DPYD: variants seen among roughly 807,000 people sequenced by gnomAD.
DPYD encodes dihydropyrimidine dehydrogenase.
In DPYD, 109 loss-of-function variants were observed where a neutral mutation model predicts 116.2. That is an observed-to-expected ratio of 0.94 (90% CI 0.80 to 1.10). The LOEUF is 1.10. DPYD is among the 50% of genes least tolerant of loss of function. DPYD has a pLI of 0.00. For synonymous variants in DPYD, 440 were observed against 432.0 expected, an observed-to-expected ratio of 1.02 and a Z score of -0.23; for missense variants, 1,302 against 1,254.5, an observed-to-expected ratio of 1.04 and a Z score of -0.57.
chr1:97,113,789 GA>G (rs1651773056), intron 20 of DPYD, among the ~76,000 whole-genome samples: 1 of 151,944 alleles, frequency 6.6e-6, no homozygotes. Flanking sequence ...AAAATATAAG[GA>G]AAATATGTTG....
intron 3 of DPYD, among the ~76,000 whole-genome samples, chr1:97,807,524 T>C (rs1411825858): frequency 6.6e-6 from 1 of 152,148 alleles, no homozygotes; most frequent in African/African-American, 2.4e-5. Context: ...CTTCTTTTTA[T>C]ATTTTTATGT....
At chr1:97,655,404 G>C (rs979092773) in intron 8 of DPYD, among the ~76,000 whole-genome samples, 1 of 152,128 alleles carries the variant, frequency 6.6e-6, no homozygotes, top group Non-Finnish European at 1.5e-5. Flanking sequence ...CAAATAGAGC[G>C]AGACACATTT....
chr1:97,734,971 A>G (rs1663841583), intron 4 of DPYD, among the ~76,000 whole-genome samples: 2 of 152,216 alleles, frequency 1.3e-5, no homozygotes, highest in Non-Finnish European at 2.9e-5. Flanking sequence ...TTTCAGTCTT[A>G]AACTTGGGTA....
At chr1:97,701,187 C>CATATATATATTATATATATATATGAAAT (rs1557892647) in intron 5 of DPYD, among the ~76,000 whole-genome samples, 3 of 147,034 alleles carry the variant, frequency 2.0e-5, no homozygotes, top group Non-Finnish European at 3.0e-5. Flanking sequence ...AAAGCTGGTA[C>CATATATATATTATATATATATATGAAAT]ATATATATAT....
chr1:97,282,365 A>G (rs1665381517), intron 18 of DPYD, among the ~76,000 whole-genome samples: 1 of 151,488 alleles, frequency 6.6e-6, no homozygotes. Flanking sequence ...ATATTTTTCC[A>G]TTTATTTTAT....
At chr1:97,844,391 T>G (rs1670188970) in intron 2 of DPYD, among the ~76,000 whole-genome samples, 1 of 152,170 alleles carries the variant, frequency 6.6e-6, no homozygotes, top group Non-Finnish European at 1.5e-5. Flanking sequence ...ACCGTGTGAT[T>G]ACAGAGTTGG....
chr1:97,386,737 T>C (rs181034694), intron 14 of DPYD, among the ~76,000 whole-genome samples: 1,953 of 152,156 alleles, frequency 0.013, 24 homozygotes, highest in South Asian at 0.023. Context: ...AGCCAGAGGA[T>C]GGTTTGTGAA....
chr1:97,849,796 T>C (rs1670485726), intron 2 of DPYD, among the ~76,000 whole-genome samples: 1 of 152,238 alleles, frequency 6.6e-6, no homozygotes, highest in Non-Finnish European at 1.5e-5. Context: ...ACAAATTTTA[T>C]TTCTACAAAA....
intron 13 of DPYD, among the ~76,000 whole-genome samples, chr1:97,512,603 T>C (rs1204060396): frequency 3.3e-5 from 5 of 151,926 alleles, no homozygotes; most frequent in Non-Finnish European, 7.4e-5. Context: ...AATGTTTTTA[T>C]CTACTTCCTA....
intron 5 of DPYD, among the ~76,000 whole-genome samples, chr1:97,699,981 C>G (rs1477613700): frequency 6.6e-6 from 1 of 152,050 alleles, no homozygotes; most frequent in Non-Finnish European, 1.5e-5. Context: ...TGCGATGGCA[C>G]ACGGTAGACA....
chr1:97,357,301 CATT>C (rs1438641113), intron 16 of DPYD, among the ~76,000 whole-genome samples: 1 of 150,180 alleles, frequency 6.7e-6, no homozygotes, highest in Non-Finnish European at 1.5e-5. Flanking sequence ...ACAGAAACAT[CATT>C]GATTTTTGTT....
intron 1 of DPYD, among the ~76,000 whole-genome samples, chr1:97,895,746 A>G (rs1304538683): frequency 6.6e-6 from 1 of 151,794 alleles, no homozygotes; most frequent in South Asian, 2.1e-4. Flanking sequence ...AAGTTCATGC[A>G]TACAATTACT....
intron 20 of DPYD, among the ~76,000 whole-genome samples, chr1:97,132,985 T>C (rs1216735541): frequency 6.6e-6 from 1 of 152,096 alleles, no homozygotes; most frequent in African/African-American, 2.4e-5. Context: ...AATATTATTT[T>C]TTTTGCTCCG....
chr1:97,774,865 G>T (rs1666316202), intron 3 of DPYD: 1 of 206,364 alleles, frequency 4.8e-6, no homozygotes, highest in Non-Finnish European at 1.1e-5. Flanking sequence ...ACATTTTAAA[G>T]AACATCTTTG....
intron 18 of DPYD, chr1:97,295,758 T>G (rs540040317): frequency 1.0e-6 from 1 of 984,280 alleles, no homozygotes; most frequent in African/African-American, 1.7e-5. Flanking sequence ...TTGCCAGTGC[T>G]ACTGTAAGAG....
chr1:97,337,281 C>T (rs901072467), intron 16 of DPYD, among the ~76,000 whole-genome samples: 4 of 152,022 alleles, frequency 2.6e-5, no homozygotes, highest in Non-Finnish European at 2.9e-5. Flanking sequence ...AGTTTGTCTC[C>T]GAAAGGAGAA....
At chr1:97,734,979 G>T (rs1187682254) in intron 4 of DPYD, among the ~76,000 whole-genome samples, 2 of 152,036 alleles carry the variant, frequency 1.3e-5, no homozygotes, top group African/African-American at 4.8e-5. Context: ...TTAAACTTGG[G>T]TACACAAGAA....
At chr1:97,483,293 T>C (rs1010399459) in intron 13 of DPYD, among the ~76,000 whole-genome samples, 1 of 152,208 alleles carries the variant, frequency 6.6e-6, no homozygotes, top group Non-Finnish European at 1.5e-5. Flanking sequence ...CTTCATTTAT[T>C]TACTCGTTTC....
chr1:97,483,750 A>G (rs1357178374), intron 13 of DPYD, among the ~76,000 whole-genome samples: 1 of 152,180 alleles, frequency 6.6e-6, no homozygotes. Flanking sequence ...AAAGGCTGAA[A>G]GAGGCTTCAA....
Sources: allele counts gnomAD v4.1 joint callset (sites outside exome capture counted in the v4.1 genomes callset), GRCh38; gene constraint gnomAD v4.1.1; transcripts MANE v1.5; gene names NCBI Gene and HGNC (gene_info 2026-07-23, HGNC 2026-07-21).